PRR14L: variants seen among roughly 807,000 people sequenced by gnomAD.
PRR14L encodes proline rich 14 like, also known as protein PRR14L.
PRR14L carries 80 observed loss-of-function variants against 155.0 expected under a neutral mutation model. The observed-to-expected ratio is 0.52, with a 90% CI of 0.43 to 0.62. PRR14L has a LOEUF of 0.62. Ranked by LOEUF, PRR14L falls within the 20% of genes least tolerant of loss-of-function variation. The pLI, the probability that PRR14L is intolerant of heterozygous loss-of-function variation, is 0.00. For missense variants in PRR14L, 2,469 were observed against 2,548.0 expected (o/e 0.97, Z 0.67); for synonymous variants, 883 against 916.0 (o/e 0.96, Z 0.65).
chr22:31,688,700 GT>G (rs2074494971), intron 7 of PRR14L, among the ~76,000 whole-genome samples: 1 of 151,996 alleles, frequency 6.6e-6, no homozygotes, highest in African/African-American at 2.4e-5. Context: ...TACAGCTGTT[GT>G]TTGTGCTGCT....
Position 31,711,997 on chromosome 22 carries a change from T to C in PRR14L, c.5756+86A>G. On this transcript the variant is annotated intron_variant, in intron 4 of 8. Coordinates refer to ENST00000327423, the MANE Select transcript of PRR14L (RefSeq NM_173566.3). ...AGACCCAAGAGGACTCTAAATAGCC[T>C]TGCATTTCCCGCAGTTCCCCTCTCA... 2.4e-6 allele frequency: 3 copies of C among 1,274,260 alleles called. 1 individual carries two copies. Among genetic ancestry groups the C allele is most frequent in the South Asian group, 2.9e-5 (2 of 69,286 alleles). The allele number at this position is 1,274,260 out of a possible 1,614,324, so 78.9% of individuals were successfully genotyped here.
chr22:31,711,404 G>A (rs530859769), intron 4 of PRR14L, among the ~76,000 whole-genome samples: 1 of 152,324 alleles, frequency 6.6e-6, no homozygotes, highest in East Asian at 1.9e-4. Flanking sequence ...CCGGGAGGCA[G>A]AAGTTGTGGT....
At chr22:31,725,913 C>T (rs2074714208) in intron 2 of PRR14L, among the ~76,000 whole-genome samples, 1 of 151,922 alleles carries the variant, frequency 6.6e-6, no homozygotes, top group Admixed American at 6.6e-5. Context: ...AAGTGATCCG[C>T]CCGCCTCCGC....
chr22:31,698,778 C>T (rs1000825381), intron 7 of PRR14L, among the ~76,000 whole-genome samples: 1 of 151,426 alleles, frequency 6.6e-6, no homozygotes, highest in Non-Finnish European at 1.5e-5. Context: ...AAAAATTAGC[C>T]GGGCGTACTG....
In PRR14L at chr22:31,684,964, A is replaced by G. The variant is rs1158542253; in HGVS notation, c.*563T>C. 6.6e-6 allele frequency: 1 copy of G among 152,566 alleles called. No individual in the cohort carries two copies. Among genetic ancestry groups the G allele is most frequent in the Non-Finnish European group, 1.5e-5 (1 of 68,378 alleles). 9.5% of individuals were successfully genotyped at this position (152,566 alleles called of 1,614,324 possible). A position where few individuals can be genotyped will look rare whatever the true frequency, so the allele number is the denominator to read the frequency against. ...AAAACGATGGGAAAAAGCCACACAC[A>G]CACAAACACTCTCACATACACTCAC... On this transcript the variant is annotated 3_prime_UTR_variant, in exon 9 of 9. Coordinates refer to ENST00000327423, the MANE Select transcript of PRR14L (RefSeq NM_173566.3).
intron 1 of PRR14L, among the ~76,000 whole-genome samples, chr22:31,747,957 G>A (rs980359525): frequency 2.0e-5 from 3 of 147,926 alleles, no homozygotes; most frequent in Middle Eastern, 3.4e-3. Context: ...CAAAACAAAA[G>A]TTCTGGAGGT....
rs1021836811 is a variant in PRR14L at position 31,716,281 on chromosome 22, C to T, written c.1558G>A (p.Glu520Lys). 6.4e-6 allele frequency: 10 copies of T among 1,551,576 alleles called. No homozygotes were observed. The African/African-American group carries it at 1.4e-4, about 21-fold the overall frequency. The change falls in exon 4 of 9, where the codon GAG (glutamate) becomes AAG (lysine). Residue 520 changes from glutamate to lysine, a missense_variant. Physicochemically the swap from Glu to Lys is moderately conservative, Grantham distance 56. Transcript: ENST00000327423. The stretch of plus-strand genomic sequence containing the variant: ...TCTACAGGGGTTGTCTGTCCTGCCT[C>T]TTCAATCTGCATCAAGGAGGAAAAA... ...SSFSSLMQIE[E>K]AGQTTPVEPN... is the part of the protein sequence containing the mutation.
In PRR14L at chr22:31,713,554, G is replaced by C. The variant is rs1415827608; in HGVS notation, c.4285C>G (p.Gln1429Glu). 1 of 1,551,950 alleles carries C rather than the reference G, an allele frequency of 6.4e-7. No individual in the cohort carries two copies. The highest frequency in any genetic ancestry group is 8.7e-7 in the Non-Finnish European group (1 of 1,147,088). Residue 1429 changes from glutamine (Q) to glutamate (E), a missense_variant, in exon 4 of 9, where the codon CAA (glutamine) becomes GAA (glutamate). Gln to Glu is a conservative substitution (Grantham distance 29). Coordinates refer to ENST00000327423, the MANE Select transcript of PRR14L (RefSeq NM_173566.3). ...ISSSLLLDDA[Q>E]NQNQPKADKD... ...TCAGCCTTCGGTTGGTTCTGATTTT[G>C]TGCATCATCTAACAACAGACTAGAT...
intron 2 of PRR14L, among the ~76,000 whole-genome samples, chr22:31,733,361 G>GTGGTGCCA (rs140084): frequency 0.11 from 15,345 of 137,894 alleles, 965 homozygotes; most frequent in African/African-American, 0.16. Context: ...CTGGAGTGCA[G>GTGGTGCCA]TGGTGCCATC....
intron 7 of PRR14L, among the ~76,000 whole-genome samples, chr22:31,698,614 A>C (rs1331833857): frequency 6.6e-6 from 1 of 151,946 alleles, no homozygotes; most frequent in African/African-American, 2.4e-5. Flanking sequence ...ATTCTGAATC[A>C]TTCTTAAAAG....
At chr22:31,705,610 G>A (rs1396427922) in intron 4 of PRR14L, among the ~76,000 whole-genome samples, 1 of 151,842 alleles carries the variant, frequency 6.6e-6, no homozygotes, top group African/African-American at 2.4e-5. Context: ...CTGGCCTTGT[G>A]ATCCGCCCAC....
rs149232375 is a variant in PRR14L, at chr22:31,688,901, T to TACACACACACACACAC, written c.6108-690_6108-675dup. ...CCCTGTCTCTTAAAAAATATATACA[T>TACACACACACACACAC]ACACACACACACACACACACACACA... On this transcript the variant is annotated intron_variant, in intron 7 of 8. Transcript: ENST00000327423. Among the ~76,000 whole-genome samples the TACACACACACACACAC allele has an allele frequency of 1.0e-3, 155 of 147,858 alleles. 1 individual carries two copies. The highest frequency in any genetic ancestry group is 2.6e-3 in the African/African-American group (104 of 40,182).
chr22:31,710,841 C>T (rs571815052), intron 4 of PRR14L, among the ~76,000 whole-genome samples: 3 of 152,204 alleles, frequency 2.0e-5, no homozygotes, highest in South Asian at 4.1e-4. Flanking sequence ...ATGATATTGA[C>T]GAAATTATTT....
chr22:31,703,176 T>G (rs2074571782), intron 6 of PRR14L, among the ~76,000 whole-genome samples: 2 of 152,188 alleles, frequency 1.3e-5, no homozygotes, highest in African/African-American at 4.8e-5. Context: ...GTACATTCAG[T>G]TCAGATATTG....
chr22:31,711,808 C>G (rs908017642), intron 4 of PRR14L, among the ~76,000 whole-genome samples: 1 of 139,120 alleles, frequency 7.2e-6, no homozygotes, highest in Admixed American at 7.3e-5. Flanking sequence ...AAAGAAGATT[C>G]AACAGATTTG....
At chr22:31,709,503 C>A (rs556265665) in intron 4 of PRR14L, among the ~76,000 whole-genome samples, 3 of 149,598 alleles carry the variant, frequency 2.0e-5, no homozygotes, top group South Asian at 2.1e-4. Flanking sequence ...GGATTACACA[C>A]GTGAGCTACT....
At chr22:31,726,289 C>T (rs958509607) in intron 2 of PRR14L, among the ~76,000 whole-genome samples, 1 of 151,864 alleles carries the variant, frequency 6.6e-6, no homozygotes, top group Non-Finnish European at 1.5e-5. Flanking sequence ...CACCACTATG[C>T]CTAGCTAATT....
intron 2 of PRR14L, among the ~76,000 whole-genome samples, chr22:31,733,596 T>C (rs1241350197): frequency 6.6e-6 from 1 of 152,102 alleles, no homozygotes. Flanking sequence ...TAGAAGTCTA[T>C]CTTTTAAGGC....
chr22:31,728,711 T>C lies in PRR14L; in HGVS notation c.475-3101A>G, dbSNP rs921292658. 5.5e-5 allele frequency among the ~76,000 whole-genome samples: 7 copies of C among 126,446 alleles called. 1 individual carries two copies. In the South Asian group the frequency reaches 1.6e-3, roughly 29 times the overall value. The allele number at this position is 126,446 out of a possible 152,430, so 83.0% of individuals were successfully genotyped here. The stretch of plus-strand genomic sequence containing the variant: ...AGCCTGGGCGACAGAGTAGACTCCA[T>C]CTCAAAAAAAAAAAAAAAAAAAAAT... On this transcript the variant is annotated intron_variant, in intron 2 of 8. Coordinates refer to ENST00000327423, the MANE Select transcript of PRR14L (RefSeq NM_173566.3).
Sources: gnomAD v4.1 joint callset for allele counts (sites outside exome capture counted in the v4.1 genomes callset) on GRCh38, gnomAD v4.1.1 for gene constraint, MANE v1.5 for transcripts, NCBI Gene and HGNC (gene_info 2026-07-23, HGNC 2026-07-21) for gene names.